Variants in PDE12 observed in about 807,000 individuals in gnomAD.
PDE12 encodes phosphodiesterase 12, also known as 2',5'-phosphodiesterase 12.
PDE12 carries 26 observed loss-of-function variants against 45.4 expected under a neutral mutation model. That is an observed-to-expected ratio of 0.57 (90% confidence interval 0.42 to 0.79). The LOEUF (loss-of-function observed/expected upper bound fraction) is 0.79. PDE12 is among the 30% of genes least tolerant of loss of function. The pLI, the probability that PDE12 is intolerant of heterozygous loss-of-function variation, is 0.00. For synonymous variants in PDE12, 283 were observed against 323.9 expected (o/e 0.87, Z 1.36); for missense variants, 668 against 790.0 (o/e 0.85, Z 1.85).
At chr3:57,651,363 G>A in the PDE12 span, among the ~76,000 whole-genome samples, 1 of 152,266 alleles carries the variant, frequency 6.6e-6, no homozygotes, top group Non-Finnish European at 1.5e-5. Context: ...TCATGATACT[G>A]CACAGATGAA....
At chr3:57,582,934 G>A in the PDE12 span, among the ~76,000 whole-genome samples, 2 of 152,204 alleles carry the variant, frequency 1.3e-5, no homozygotes, top group South Asian at 4.1e-4. Context: ...TCTCAGCAGG[G>A]AGCAATTTTG....
the PDE12 span, among the ~76,000 whole-genome samples, chr3:57,608,626 C>G: frequency 2.0e-5 from 3 of 151,778 alleles, no homozygotes; most frequent in East Asian, 3.9e-4. Flanking sequence ...CAACAAAGAT[C>G]AAAAGAGACA....
At chr3:57,575,928 T>C in the PDE12 span, among the ~76,000 whole-genome samples, 1 of 152,156 alleles carries the variant, frequency 6.6e-6, no homozygotes, top group East Asian at 1.9e-4. Context: ...TTAAAGCAAA[T>C]CACTCATCAT....
the PDE12 span, among the ~76,000 whole-genome samples, chr3:57,591,243 C>T: frequency 6.7e-6 from 1 of 149,740 alleles, no homozygotes. Context: ...CACATGCCCA[C>T]ACAAAAACTT....
At chr3:57,617,235 T>C in the PDE12 span, among the ~76,000 whole-genome samples, 1 of 151,746 alleles carries the variant, frequency 6.6e-6, no homozygotes, top group East Asian at 2.0e-4. Context: ...TGAGACCTCA[T>C]CTCTACCAAA....
the PDE12 span, among the ~76,000 whole-genome samples, chr3:57,629,672 C>T: frequency 2.0e-5 from 3 of 149,918 alleles, no homozygotes; most frequent in East Asian, 1.9e-4. Context: ...CCACCACGCC[C>T]GGCTAATTTT....
At chr3:57,607,522 A>G in the PDE12 span, among the ~76,000 whole-genome samples, 2 of 152,166 alleles carry the variant, frequency 1.3e-5, no homozygotes, top group African/African-American at 2.4e-5. Flanking sequence ...TAACTAGAAT[A>G]ACCAGTGTAG....
At chr3:57,588,165 C>T in the PDE12 span, among the ~76,000 whole-genome samples, 1 of 152,166 alleles carries the variant, frequency 6.6e-6, no homozygotes, top group Non-Finnish European at 1.5e-5. Context: ...CCCTCCCCTC[C>T]GTGTCCAGAA....
At chr3:57,641,230 A>AATATTTAAATATATATTATATATTTAT in the PDE12 span, among the ~76,000 whole-genome samples, 6 of 144,076 alleles carry the variant, frequency 4.2e-5, no homozygotes, top group African/African-American at 1.0e-4. Context: ...TATATATTTA[A>AATATTTAAATATATATTATATATTTAT]ATATTTAAAT....
the PDE12 span, chr3:57,654,646 C>A: frequency 1.0e-6 from 1 of 985,224 alleles, no homozygotes; most frequent in Non-Finnish European, 1.2e-6. Context: ...CAATTCTAAT[C>A]TCACCTCAAA....
chr3:57,577,292 A>C, the PDE12 span: 1 of 1,589,356 alleles, frequency 6.3e-7, no homozygotes, highest in Non-Finnish European at 8.6e-7. Flanking sequence ...CTTGAAAATG[A>C]TGAATTTAAA....
At chr3:57,644,350 G>A in the PDE12 span, among the ~76,000 whole-genome samples, 1 of 151,844 alleles carries the variant, frequency 6.6e-6, no homozygotes, top group African/African-American at 2.4e-5. Flanking sequence ...TGTTCCCCAG[G>A]GCTGGAGTCC....
the PDE12 span, among the ~76,000 whole-genome samples, chr3:57,631,943 T>C: frequency 1.5e-4 from 22 of 146,804 alleles, no homozygotes; most frequent in South Asian, 6.6e-4. Context: ...AGGATGGTCT[T>C]GATCTCCTGA....
rs772472765 is a variant in PDE12 at position 57,556,361 on chromosome 3, C to A, written c.-19C>A. 3.2e-6 allele frequency: 5 copies of A among 1,542,092 alleles called. No homozygotes were observed. Among genetic ancestry groups the A allele is most frequent in the Non-Finnish European group, 2.6e-6 (3 of 1,143,408 alleles). Reference sequence around the variant, plus strand: ...GCTGATCGGCCGCGGGTCTTGTCGACCGCTAGGCCACCAGGTTCATGTGGA... The same window carrying A: ...GCTGATCGGCCGCGGGTCTTGTCGAACGCTAGGCCACCAGGTTCATGTGGA... On this transcript the variant is annotated 5_prime_UTR_variant, in exon 1 of 3. Transcript: ENST00000311180. The surrounding 1 kb of genome is among the most constrained non-coding windows in gnomAD (Gnocchi z 5.0).
the PDE12 span, among the ~76,000 whole-genome samples, chr3:57,616,183 G>T: frequency 2.6e-5 from 4 of 152,152 alleles, no homozygotes; most frequent in African/African-American, 9.6e-5. Flanking sequence ...AATTAGCCAG[G>T]TATGGTGGTG....
chr3:57,602,494 C>G, the PDE12 span, among the ~76,000 whole-genome samples: 1 of 152,174 alleles, frequency 6.6e-6, no homozygotes, highest in African/African-American at 2.4e-5. Context: ...TTGGCCCACC[C>G]TATTACCTCT....
chr3:57,630,715 C>T, the PDE12 span: 28 of 1,610,718 alleles, frequency 1.7e-5, no homozygotes, highest in Admixed American at 8.5e-5. Context: ...AAAGACTAAC[C>T]GGTAAAGTCC....
chr3:57,595,691 G>A, the PDE12 span, among the ~76,000 whole-genome samples: 1 of 152,182 alleles, frequency 6.6e-6, no homozygotes, highest in South Asian at 2.1e-4. Flanking sequence ...GCTCACGCCT[G>A]TAATCCCAGC....
chr3:57,616,050 G>A, the PDE12 span, among the ~76,000 whole-genome samples: 10 of 152,232 alleles, frequency 6.6e-5, no homozygotes, highest in African/African-American at 2.2e-4. Flanking sequence ...CAGGCCAGGC[G>A]TGCTGCTCAT....
Sources: allele counts gnomAD v4.1 joint callset (sites outside exome capture counted in the v4.1 genomes callset), GRCh38; gene constraint gnomAD v4.1.1; non-coding constraint Gnocchi (gnomAD v3.1); transcripts MANE v1.5; gene names NCBI Gene and HGNC (gene_info 2026-07-23, HGNC 2026-07-21).